Variants in KCNT2 observed in about 807,000 individuals in gnomAD.
The protein encoded by KCNT2 is potassium sodium-activated channel subfamily T member 2.
KCNT2 carries 67 observed loss-of-function variants against 153.8 expected under a neutral mutation model. That is an observed-to-expected ratio of 0.44 (90% CI 0.36 to 0.53). KCNT2 has a LOEUF of 0.53. KCNT2 is among the 20% of genes least tolerant of loss of function. The probability of loss-of-function intolerance (pLI) is 0.00; values close to 1 mark genes in which losing one functional copy is unlikely to be tolerated. For missense variants in KCNT2, 975 were observed against 1,354.8 expected (o/e 0.72, Z 4.40); for synonymous variants, 500 against 458.8 (o/e 1.09, Z -1.15).
chr1:196,339,252 A>G (rs1558165383), intron 16 of KCNT2, among the ~76,000 whole-genome samples: 1 of 152,098 alleles, frequency 6.6e-6, no homozygotes, highest in African/African-American at 2.4e-5. Flanking sequence ...GAACATGGTC[A>G]ATATTCTTGT....
chr1:196,491,792 T>C (rs547679502), intron 2 of KCNT2, among the ~76,000 whole-genome samples: 134 of 152,194 alleles, frequency 8.8e-4, no homozygotes, highest in African/African-American at 3.0e-3. Context: ...CTAAGAAAGA[T>C]AGGAATCTGT....
intron 1 of KCNT2, among the ~76,000 whole-genome samples, chr1:196,565,307 T>C (rs959145790): frequency 1.3e-5 from 2 of 151,734 alleles, no homozygotes; most frequent in Non-Finnish European, 3.0e-5. Context: ...TTGGCTAGAA[T>C]GTGGAGAAAG....
intron 26 of KCNT2, among the ~76,000 whole-genome samples, chr1:196,237,243 C>T (rs909146116): frequency 4.4e-4 from 67 of 151,630 alleles, no homozygotes; most frequent in South Asian, 2.1e-4. Flanking sequence ...GTTCCTCTAA[C>T]GAGAAACCTG....
chr1:196,476,609 A>T (rs1678552205), intron 5 of KCNT2, among the ~76,000 whole-genome samples: 1 of 152,072 alleles, frequency 6.6e-6, no homozygotes, highest in Non-Finnish European at 1.5e-5. Flanking sequence ...GCTCTAATTT[A>T]CTTATTGATC....
intron 19 of KCNT2, among the ~76,000 whole-genome samples, chr1:196,320,826 A>G (rs1251980146): frequency 6.6e-6 from 1 of 151,834 alleles, no homozygotes; most frequent in Non-Finnish European, 1.5e-5. Context: ...CATCTTACGA[A>G]TGTACCACAA....
intron 3 of KCNT2, among the ~76,000 whole-genome samples, chr1:196,484,148 A>G (rs988221743): frequency 2.0e-5 from 3 of 152,076 alleles, no homozygotes; most frequent in African/African-American, 7.2e-5. Flanking sequence ...AGAAGTGCGT[A>G]TTTTCAAAGA....
At chr1:196,359,908 G>C (rs545674032) in intron 14 of KCNT2, among the ~76,000 whole-genome samples, 107 of 152,088 alleles carry the variant, frequency 7.0e-4, no homozygotes, top group Non-Finnish European at 1.4e-3. Context: ...ATTAGTACTA[G>C]AGCATAGACA....
intron 27 of KCNT2, among the ~76,000 whole-genome samples, chr1:196,229,263 CTTGAACTT>C (rs1558047629): frequency 6.6e-6 from 1 of 152,000 alleles, no homozygotes; most frequent in Non-Finnish European, 1.5e-5. Context: ...GATTTGGTAA[CTTGAACTT>C]TTTCCATTGT....
At chr1:196,503,403 C>T (rs1355593024) in intron 1 of KCNT2, among the ~76,000 whole-genome samples, 1 of 152,136 alleles carries the variant, frequency 6.6e-6, no homozygotes, top group Admixed American at 6.6e-5. Context: ...CTACAGGCAC[C>T]TGCAACCCCA....
At chr1:196,361,435 A>T (rs1667615169) in intron 14 of KCNT2, among the ~76,000 whole-genome samples, 1 of 152,032 alleles carries the variant, frequency 6.6e-6, no homozygotes, top group African/African-American at 2.4e-5. Flanking sequence ...CCCATTCATA[A>T]AAAAGCTCTG....
In KCNT2 at chr1:196,265,016, G is replaced by A. The variant is rs538671002; in HGVS notation, c.2911-6522C>T. ...CCCAAGCCATTTTTTGACCTGGTTG[G>A]AAGCCTGCCTCACTCTCCATGGAAA... On this transcript the variant is annotated intron_variant, in intron 25 of 27. Coordinates refer to ENST00000294725, the MANE Select transcript of KCNT2 (RefSeq NM_198503.5). 2.6e-5 allele frequency among the ~76,000 whole-genome samples: 4 copies of A among 152,230 alleles called. No individual in the cohort carries two copies. The South Asian group carries it at 8.3e-4, about 32-fold the overall frequency.
chr1:196,422,327 C>A (rs894641898), intron 12 of KCNT2, among the ~76,000 whole-genome samples: 1 of 151,966 alleles, frequency 6.6e-6, no homozygotes, highest in East Asian at 1.9e-4. Flanking sequence ...TAGAAACCAC[C>A]AATTGTTCTC....
At chr1:196,551,305 T>C (rs1039801419) in intron 1 of KCNT2, among the ~76,000 whole-genome samples, 3 of 151,864 alleles carry the variant, frequency 2.0e-5, no homozygotes, top group African/African-American at 4.8e-5. Context: ...ACATAAATTT[T>C]ATATTTGGAA....
chr1:196,302,005 G>T lies in KCNT2; in HGVS notation c.2595+3229C>A, dbSNP rs568182545. Reference sequence around the variant, plus strand: ...TCCACCTGCCTCAACCTCCCAAAGTGCTGGGATTACAGGTGTGAACCACCA... The same window carrying T: ...TCCACCTGCCTCAACCTCCCAAAGTTCTGGGATTACAGGTGTGAACCACCA... On this transcript the variant is annotated intron_variant, in intron 22 of 27. Transcript: ENST00000294725. Among the ~76,000 whole-genome samples the T allele has an allele frequency of 2.0e-5, 3 of 152,242 alleles. No individual in the cohort carries two copies. In the East Asian group the frequency reaches 5.8e-4, roughly 30 times the overall value.
intron 23 of KCNT2, among the ~76,000 whole-genome samples, chr1:196,284,441 T>C (rs539324635): frequency 8.0e-5 from 12 of 150,666 alleles, no homozygotes; most frequent in Admixed American, 3.3e-4. Flanking sequence ...ATTTAACTTA[T>C]ACATGAGATT....
intron 13 of KCNT2, among the ~76,000 whole-genome samples, chr1:196,376,432 G>A (rs1428656235): frequency 2.0e-5 from 3 of 151,554 alleles, no homozygotes; most frequent in South Asian, 2.1e-4. Context: ...TAGCTTCATG[G>A]CAGTTCAGTG....
rs529500217 is a variant in KCNT2, at chr1:196,323,448, T to A, written c.2276+3269A>T. Among the ~76,000 whole-genome samples the A allele has an allele frequency of 1.4e-4, 22 of 151,976 alleles. No individual in the cohort carries two copies. In the South Asian group the frequency reaches 4.3e-3, roughly 30 times the overall value. ...AGGTTGGGGTGGTAATCAAAATATT[T>A]AAAATCAGTATGGCACAACAGACCA... On this transcript the variant is annotated intron_variant, in intron 19 of 27. Coordinates refer to ENST00000294725, the MANE Select transcript of KCNT2 (RefSeq NM_198503.5).
At chr1:196,537,178 G>A (rs1292635446) in intron 1 of KCNT2, among the ~76,000 whole-genome samples, 1 of 152,120 alleles carries the variant, frequency 6.6e-6, no homozygotes, top group African/African-American at 2.4e-5. Flanking sequence ...TCTAGGCAAG[G>A]GGAGCATTGC....
chr1:196,573,585 T>C (rs1023857859), intron 1 of KCNT2, among the ~76,000 whole-genome samples: 20 of 151,958 alleles, frequency 1.3e-4, no homozygotes, highest in African/African-American at 4.8e-4. Flanking sequence ...GTTTTTCCAA[T>C]ATCCTTCAAA....
Sources: allele counts gnomAD v4.1 joint callset (sites outside exome capture counted in the v4.1 genomes callset), GRCh38; gene constraint gnomAD v4.1.1; transcripts MANE v1.5; gene names NCBI Gene and HGNC (gene_info 2026-07-23, HGNC 2026-07-21).